Variants in TAOK3 observed in about 807,000 individuals in gnomAD.
The protein encoded by TAOK3 is serine/threonine-protein kinase TAO3.
Under a neutral mutation model 120.4 loss-of-function variants are expected in TAOK3, and 40 were observed. That is an observed-to-expected ratio of 0.33 (90% confidence interval 0.26 to 0.43). The LOEUF (loss-of-function observed/expected upper bound fraction) is 0.43, where lower values mean the gene tolerates loss of function less well. Among genes scored for constraint, TAOK3 ranks in the 20% least tolerant of loss-of-function variants. The probability of loss-of-function intolerance (pLI) is 1.00; values close to 1 mark genes in which losing one functional copy is unlikely to be tolerated. For synonymous variants in TAOK3, 355 were observed against 387.5 expected, an observed-to-expected ratio of 0.92 and a Z score of 0.99; for missense variants, 821 against 1,112.1, an observed-to-expected ratio of 0.74 and a Z score of 3.72.
chr12:118,288,766 A>G (rs1160123879), intron 1 of TAOK3, among the ~76,000 whole-genome samples: 1 of 151,910 alleles, frequency 6.6e-6, no homozygotes, highest in African/African-American at 2.4e-5. Context: ...AATACAAAAA[A>G]TTATCTGGGT....
chr12:118,250,954 A>G (rs2040724848), intron 3 of TAOK3, among the ~76,000 whole-genome samples: 1 of 152,190 alleles, frequency 6.6e-6, no homozygotes, highest in Non-Finnish European at 1.5e-5. Context: ...AAGGATGATC[A>G]GAAGAAAGGA....
intron 1 of TAOK3, among the ~76,000 whole-genome samples, chr12:118,301,517 T>A (rs888942871): frequency 1.3e-5 from 2 of 152,146 alleles, no homozygotes; most frequent in African/African-American, 4.8e-5. Flanking sequence ...TCCATTTACA[T>A]CTGCAGTCAT....
chr12:118,172,616 C>T lies in TAOK3; in HGVS notation c.1740G>A (p.Glu580=), dbSNP rs578207167. The change falls in exon 17 of 21, where the codon GAG becomes GAA. Residue 580 remains glutamate, a synonymous_variant. Coordinates refer to ENST00000392533, the MANE Select transcript of TAOK3 (RefSeq NM_016281.4). ...DHSTPKKEKQ[E]RISKHKENLQ... ...AGTTCTCTTTATGTTTGGAGATCCG[C>T]TCTTGCTTCTCTTTCTTGGGTGTGC... 41 of 1,614,136 alleles carry T rather than the reference C, an allele frequency of 2.5e-5. 1 individual carries two copies. The South Asian group carries it at 4.2e-4, about 16-fold the overall frequency.
At chr12:118,263,311 T>C (rs1341511919) in intron 2 of TAOK3, among the ~76,000 whole-genome samples, 1 of 152,156 alleles carries the variant, frequency 6.6e-6, no homozygotes, top group East Asian at 1.9e-4. Flanking sequence ...AGATATTTGG[T>C]CCATACTAAC....
intron 2 of TAOK3, among the ~76,000 whole-genome samples, chr12:118,256,750 T>C (rs936886596): frequency 6.6e-6 from 1 of 152,136 alleles, no homozygotes; most frequent in Non-Finnish European, 1.5e-5. Context: ...GATTATTGGT[T>C]AGAGATGGGG....
chr12:118,234,212 A>ATTTTTTTTTTTTTTTTTTTTTTT lies in TAOK3; in HGVS notation c.552-470_552-448dup, dbSNP rs763473530. Reference sequence around the variant, plus strand: ...TTAAAGTAATTAAATAAAGCAGGAAATTTTTTTTTTTTTTTTTTTTTTTTT... The same window carrying ATTTTTTTTTTTTTTTTTTTTTTT: ...TTAAAGTAATTAAATAAAGCAGGAAATTTTTTTTTTTTTTTTTTTTTTTTTTTTTTTTTTTTTTTTTTTTTTTT... On this transcript the variant is annotated intron_variant, in intron 8 of 20. Transcript: ENST00000392533. 1.4e-3 allele frequency among the ~76,000 whole-genome samples: 80 copies of ATTTTTTTTTTTTTTTTTTTTTTT among 58,330 alleles called. 16 individuals carry two copies. The highest frequency in any genetic ancestry group is 1.8e-3 in the Non-Finnish European group (58 of 32,392). 38.3% of individuals were successfully genotyped at this position (58,330 alleles called of 152,430 possible).
chr12:118,365,531 C>T (rs7308927), intron 1 of TAOK3, among the ~76,000 whole-genome samples: 4,590 of 152,276 alleles, frequency 0.03, 202 homozygotes, highest in African/African-American at 0.094. Flanking sequence ...GCTGGGATTA[C>T]AGGTGTGCCC....
intron 1 of TAOK3, among the ~76,000 whole-genome samples, chr12:118,366,820 T>A (rs1392821727): frequency 6.6e-6 from 1 of 152,194 alleles, no homozygotes; most frequent in Non-Finnish European, 1.5e-5. Context: ...CCAGGCATGG[T>A]GGCTCACGCT....
At position 118,152,389 on chromosome 12, in the gene TAOK3, T is replaced by C. The variant is rs1207096317; in HGVS notation, c.2373A>G (p.Gln791=). 1.2e-6 allele frequency: 2 copies of C among 1,612,980 alleles called. No homozygotes were observed. The highest frequency in any genetic ancestry group is 2.2e-5 in the East Asian group (1 of 44,892). ...GCCTCAAGGCCTGGCATTCTGCTTCTTGAGCCTCATCTAGCCGTAACTGCG... is the reference window on the plus strand; with the variant it reads ...GCCTCAAGGCCTGGCATTCTGCTTCCTGAGCCTCATCTAGCCGTAACTGCG... ...ASQALRLDEA[Q]EAECQALRLQ... The change falls in exon 20 of 21, where the codon CAA becomes CAG. Residue 791 remains glutamine (Q), a synonymous_variant. Coordinates refer to ENST00000392533, the MANE Select transcript of TAOK3 (RefSeq NM_016281.4).
At chr12:118,176,158 T>C (rs1327534198) in intron 16 of TAOK3, among the ~76,000 whole-genome samples, 1 of 152,124 alleles carries the variant, frequency 6.6e-6, no homozygotes, top group Non-Finnish European at 1.5e-5. Context: ...CAATCCCGCA[T>C]TGCACAAGGA....
chr12:118,166,304 T>C (rs978263761), intron 17 of TAOK3, among the ~76,000 whole-genome samples: 7 of 152,192 alleles, frequency 4.6e-5, no homozygotes, highest in African/African-American at 1.7e-4. Context: ...TTTGGGAGGC[T>C]GAGACAGGTG....
chr12:118,251,937 T>C (rs2140114013), intron 3 of TAOK3, among the ~76,000 whole-genome samples: 1 of 152,052 alleles, frequency 6.6e-6, no homozygotes, highest in South Asian at 2.1e-4. Flanking sequence ...TTCTCCTGCC[T>C]CAGCCTCCCC....
rs538678705 is a variant in TAOK3 at position 118,249,387 on chromosome 12, G to A, written c.121-4422C>T. Among the ~76,000 whole-genome samples, 180 of 151,950 alleles carry A rather than the reference G, an allele frequency of 1.2e-3. 1 individual carries two copies. Among genetic ancestry groups the A allele is most frequent in the African/African-American group, 4.2e-3 (175 of 41,472 alleles). The stretch of plus-strand genomic sequence containing the variant: ...GACCAGTCTGGCCAACATGGTGAAA[G>A]CCTGTCTCTACTAAAAATATGAAAA... On this transcript the variant is annotated intron_variant, in intron 3 of 20. Coordinates refer to ENST00000392533, the MANE Select transcript of TAOK3 (RefSeq NM_016281.4).
intron 19 of TAOK3, among the ~76,000 whole-genome samples, chr12:118,159,391 A>G (rs1477446688): frequency 6.6e-6 from 1 of 150,508 alleles, no homozygotes; most frequent in East Asian, 2.0e-4. Flanking sequence ...GCTCACTGCA[A>G]CCTCCACCTC....
chr12:118,168,953 TTGCTTTCC>T (rs1372522635), intron 17 of TAOK3, among the ~76,000 whole-genome samples: 1 of 148,566 alleles, frequency 6.7e-6, no homozygotes, highest in Non-Finnish European at 1.5e-5. Context: ...ATCAGCTTGC[TTGCTTTCC>T]TTCCTTCCTT....
chr12:118,298,206 G>C (rs999163545), intron 1 of TAOK3, among the ~76,000 whole-genome samples: 1 of 152,164 alleles, frequency 6.6e-6, no homozygotes, highest in Non-Finnish European at 1.5e-5. Flanking sequence ...AATTAATCTG[G>C]AGAGTATCAA....
Position 118,299,896 on chromosome 12 carries a change from A to G in TAOK3, c.-193-33137T>C, listed in dbSNP as rs916115103. On this transcript the variant is annotated intron_variant, in intron 1 of 20. Transcript: ENST00000392533. ...AGGAAAACAACCTCAGTTACAATATAATTGTACTCCTGCAAGTTGAGGGAG... is the reference window on the plus strand; with the variant it reads ...AGGAAAACAACCTCAGTTACAATATGATTGTACTCCTGCAAGTTGAGGGAG... 3.3e-5 allele frequency among the ~76,000 whole-genome samples: 5 copies of G among 152,156 alleles called. No individual in the cohort carries two copies. In the East Asian group the frequency reaches 9.7e-4, roughly 29 times the overall value.
At chr12:118,291,879 A>G (rs778174552) in intron 1 of TAOK3, among the ~76,000 whole-genome samples, 2 of 152,082 alleles carry the variant, frequency 1.3e-5, no homozygotes, top group Non-Finnish European at 2.9e-5. Flanking sequence ...CAGTGGCATG[A>G]TCTCAGCTCA....
intron 1 of TAOK3, among the ~76,000 whole-genome samples, chr12:118,317,208 A>G (rs1376960984): frequency 1.4e-5 from 2 of 142,362 alleles, no homozygotes; most frequent in Non-Finnish European, 1.5e-5. Flanking sequence ...AGTTGCAGTG[A>G]GCCGAGATTA....
Sources: gnomAD v4.1 joint callset for allele counts (sites outside exome capture counted in the v4.1 genomes callset) on GRCh38, gnomAD v4.1.1 for gene constraint, MANE v1.5 for transcripts, NCBI Gene and HGNC (gene_info 2026-07-23, HGNC 2026-07-21) for gene names.